The following ALPK1 variants were observed in gnomAD, a reference collection of about 807,000 sequenced individuals.
The protein encoded by ALPK1 is alpha kinase 1, also known as alpha-protein kinase 1.
ALPK1 carries 110 observed loss-of-function variants against 120.6 expected under a neutral mutation model. That is an observed-to-expected ratio of 0.91 (90% CI 0.78 to 1.07). The LOEUF is 1.07. ALPK1 is among the 50% of genes least tolerant of loss of function. ALPK1 has a pLI of 0.00. For synonymous variants in ALPK1, 582 were observed against 560.3 expected (o/e 1.04, Z -0.55); for missense variants, 1,498 against 1,483.9 (o/e 1.01, Z -0.16).
chr4:112,420,319 A>C (rs1221739138), intron 5 of ALPK1, among the ~76,000 whole-genome samples: 1 of 152,236 alleles, frequency 6.6e-6, no homozygotes, highest in African/African-American at 2.4e-5. Flanking sequence ...CCACTCCCCA[A>C]AGTTAGTGGC....
chr4:112,394,314 T>A (rs985647645), intron 4 of ALPK1, among the ~76,000 whole-genome samples: 1 of 152,228 alleles, frequency 6.6e-6, no homozygotes, highest in African/African-American at 2.4e-5. Flanking sequence ...GACTATTTTA[T>A]TCGGAGCAGA....
At chr4:112,413,014 A>T (rs1733559363) in intron 5 of ALPK1, among the ~76,000 whole-genome samples, 1 of 152,236 alleles carries the variant, frequency 6.6e-6, no homozygotes, top group Non-Finnish European at 1.5e-5. Context: ...AGTTCTTGCA[A>T]CTGTGCATAA....
intron 2 of ALPK1, among the ~76,000 whole-genome samples, chr4:112,367,560 T>C (rs2148720618): frequency 6.6e-6 from 1 of 152,344 alleles, no homozygotes; most frequent in South Asian, 2.1e-4. Context: ...AATGTGCAAC[T>C]ACTACACCAT....
At chr4:112,298,702 A>T (rs1727652277) in intron 1 of ALPK1, among the ~76,000 whole-genome samples, 1 of 152,190 alleles carries the variant, frequency 6.6e-6, no homozygotes, top group African/African-American at 2.4e-5. Context: ...GATATTAGGC[A>T]TTATCATATA....
In ALPK1 at chr4:112,360,737, T is replaced by C. The variant is rs527566887; in HGVS notation, c.-100-16941T>C. On this transcript the variant is annotated intron_variant, in intron 2 of 15. Coordinates refer to ENST00000650871, the MANE Select transcript of ALPK1 (RefSeq NM_025144.4). Reference sequence around the variant, plus strand: ...ATTGGTGTTTCTTTTAAAATACTTTTATTTTGCAGGTTTTCTCCCCCAGCA... The same window carrying C: ...ATTGGTGTTTCTTTTAAAATACTTTCATTTTGCAGGTTTTCTCCCCCAGCA... Among the ~76,000 whole-genome samples, 6 of 152,356 alleles carry C rather than the reference T, an allele frequency of 3.9e-5. No homozygotes were observed. In the South Asian group the frequency reaches 1.2e-3, roughly 32 times the overall value.
At chr4:112,298,598 AT>A (rs1727646041) in intron 1 of ALPK1, among the ~76,000 whole-genome samples, 2 of 152,194 alleles carry the variant, frequency 1.3e-5, no homozygotes, top group Admixed American at 1.3e-4. Flanking sequence ...ATTGTATAGC[AT>A]CTCTATCTGC....
rs764058677 is a variant in ALPK1, at chr4:112,438,618, T to C, written c.3323T>C (p.Ile1108Thr). The change falls in exon 13 of 16, where the codon ATA (isoleucine) becomes ACA (threonine). Residue 1108 changes from isoleucine (I) to threonine (T), a missense_variant. Ile to Thr is a moderately conservative substitution (Grantham distance 89). Transcript: ENST00000650871. ...RLYEQNIPTQ[I>T]FYIPSTILLI... is the part of the protein sequence containing the mutation. ...TATGAACAAAACATTCCCACCCAGA[T>C]ATTCTACATCCCATCCACAATACTA... is the stretch of plus-strand genomic sequence containing the variant. 1.9e-6 allele frequency: 3 copies of C among 1,613,762 alleles called. No individual in the cohort carries two copies. The highest frequency in any genetic ancestry group is 4.5e-5 in the East Asian group (2 of 44,868).
chr4:112,307,951 A>G (rs1728189398), intron 1 of ALPK1, among the ~76,000 whole-genome samples: 1 of 152,122 alleles, frequency 6.6e-6, no homozygotes, highest in Non-Finnish European at 1.5e-5. Context: ...TGGTGGTGAC[A>G]AAATCTCTCA....
At chr4:112,323,256 A>G (rs1250240025) in intron 2 of ALPK1, among the ~76,000 whole-genome samples, 1 of 150,720 alleles carries the variant, frequency 6.6e-6, no homozygotes, top group Non-Finnish European at 1.5e-5. Flanking sequence ...TTCCCTGTAT[A>G]AAAAATCATT....
chr4:112,392,496 A>T (rs1369993749), intron 4 of ALPK1, among the ~76,000 whole-genome samples: 1 of 152,190 alleles, frequency 6.6e-6, no homozygotes, highest in African/African-American at 2.4e-5. Flanking sequence ...GGTTAGTGAA[A>T]ATGTAATTGT....
intron 12 of ALPK1, among the ~76,000 whole-genome samples, chr4:112,437,669 A>G (rs2148766968): frequency 6.6e-6 from 1 of 152,264 alleles, no homozygotes; most frequent in East Asian, 1.9e-4. Context: ...AGCCTCCACT[A>G]TCAGATTTCC....
intron 2 of ALPK1, among the ~76,000 whole-genome samples, chr4:112,324,619 G>A (rs1729025497): frequency 6.6e-6 from 1 of 152,060 alleles, no homozygotes; most frequent in Non-Finnish European, 1.5e-5. Context: ...TAAGACTATA[G>A]GTATGTGCCA....
chr4:112,337,057 T>A (rs889902836), intron 2 of ALPK1, among the ~76,000 whole-genome samples: 6 of 152,166 alleles, frequency 3.9e-5, no homozygotes, highest in African/African-American at 4.8e-5. Flanking sequence ...TTAATCATAA[T>A]ACTGTTTTTA....
At chr4:112,320,409 C>T (rs1056406816) in intron 2 of ALPK1, among the ~76,000 whole-genome samples, 1 of 151,972 alleles carries the variant, frequency 6.6e-6, no homozygotes, top group African/African-American at 2.4e-5. Flanking sequence ...TTATCATGGT[C>T]GATTATCTTT....
intron 2 of ALPK1, chr4:112,356,277 T>C: frequency 8.8e-7 from 1 of 1,135,128 alleles, no homozygotes; most frequent in Middle Eastern, 2.5e-4. Flanking sequence ...GGCAAGACGC[T>C]GTGCCTCCTG....
At chr4:112,316,305 T>G (rs1451448043) in intron 2 of ALPK1, 1 of 152,252 alleles carries the variant, frequency 6.6e-6, no homozygotes, top group African/African-American at 2.4e-5. Flanking sequence ...TTTGTCCTTT[T>G]GTGACTGGCT....
chr4:112,419,194 T>C (rs1445063932), intron 5 of ALPK1, among the ~76,000 whole-genome samples: 1 of 152,230 alleles, frequency 6.6e-6, no homozygotes, highest in Non-Finnish European at 1.5e-5. Flanking sequence ...TCATTTGATA[T>C]CTGTCATTTT....
chr4:112,309,135 G>A (rs1239267524), intron 1 of ALPK1, among the ~76,000 whole-genome samples: 8 of 152,060 alleles, frequency 5.3e-5, no homozygotes, highest in East Asian at 3.9e-4. Flanking sequence ...GTACCTGGCC[G>A]TGTGAGGTGT....
intron 2 of ALPK1, among the ~76,000 whole-genome samples, chr4:112,351,360 G>A (rs764301537): frequency 6.6e-6 from 1 of 152,004 alleles, no homozygotes; most frequent in Admixed American, 6.6e-5. Context: ...ATTTTAATAA[G>A]GTGTTGTCCT....
Sources: allele counts gnomAD v4.1 joint callset (sites outside exome capture counted in the v4.1 genomes callset), GRCh38; gene constraint gnomAD v4.1.1; transcripts MANE v1.5; gene names NCBI Gene and HGNC (gene_info 2026-07-23, HGNC 2026-07-21).